The following UVSSA variants were observed in gnomAD, a reference collection of about 807,000 sequenced individuals.
UVSSA encodes UV-stimulated scaffold protein A.
In UVSSA, 72 loss-of-function variants were observed where a neutral mutation model predicts 73.9. The observed-to-expected ratio is 0.97, with a 90% CI of 0.81 to 1.19. The LOEUF is 1.19. UVSSA is among the 50% of genes most tolerant of loss of function. The pLI, the probability that UVSSA is intolerant of heterozygous loss-of-function variation, is 0.00. For missense variants in UVSSA, 1,150 were observed against 965.0 expected (o/e 1.19, Z -2.54); for synonymous variants, 454 against 391.3 (o/e 1.16, Z -1.89).
intron 8 of UVSSA, chr4:1,374,995 C>G: frequency 4.2e-6 from 1 of 237,414 alleles, no homozygotes; most frequent in South Asian, 6.4e-5. Flanking sequence ...CCTGAGCTGC[C>G]GGGGCTATGG....
downstream of UVSSA, chr4:1,391,608 G>A (rs1165386385): frequency 2.0e-5 from 3 of 152,088 alleles, no homozygotes; most frequent in African/African-American, 7.2e-5. Context: ...TAGCCACTTA[G>A]CTCTTTTTTG....
intron 12 of UVSSA, among the ~76,000 whole-genome samples, chr4:1,381,431 A>G (rs1719488445): frequency 6.6e-6 from 1 of 152,200 alleles, no homozygotes; most frequent in Non-Finnish European, 1.5e-5. Context: ...AGCTCTGTCC[A>G]GGAGGCGTGT....
At chr4:1,362,093 A>C (rs1716728447) in intron 7 of UVSSA, among the ~76,000 whole-genome samples, 1 of 152,128 alleles carries the variant, frequency 6.6e-6, no homozygotes, top group African/African-American at 2.4e-5. Context: ...ACTTCTGTGA[A>C]CTGATTGCAT....
intron 7 of UVSSA, chr4:1,366,056 AG>A (rs1717280945): frequency 3.6e-6 from 1 of 278,364 alleles, no homozygotes. Context: ...GGACCTGGGG[AG>A]TCAGCCAGGG....
At chr4:1,358,332 T>C (rs1716094878) in intron 7 of UVSSA, 1 of 152,242 alleles carries the variant, frequency 6.6e-6, no homozygotes, top group South Asian at 2.1e-4. Context: ...AGCTGGTGAG[T>C]GTGCAAGGGC....
intron 10 of UVSSA, among the ~76,000 whole-genome samples, chr4:1,378,804 A>G (rs369467359): frequency 6.6e-6 from 1 of 152,210 alleles, no homozygotes; most frequent in South Asian, 2.1e-4. Flanking sequence ...AGCCGCATGT[A>G]CCTCCTTGAC....
downstream of UVSSA, chr4:1,390,034 C>G (rs1720370386): frequency 6.6e-6 from 1 of 151,984 alleles, no homozygotes; most frequent in South Asian, 2.1e-4. Flanking sequence ...TTTATTTTCT[C>G]TTCTTTTTCT....
At chr4:1,352,014 C>A (rs1348161563) in intron 4 of UVSSA, among the ~76,000 whole-genome samples, 179 bp downstream of exon 4, 1 of 152,258 alleles carries the variant, frequency 6.6e-6, no homozygotes, top group Non-Finnish European at 1.5e-5. Flanking sequence ...CCAGGCTGTC[C>A]ATGCCTCTCC....
At chr4:1,376,213 G>A (rs755428316) in intron 10 of UVSSA, 45 bp downstream of exon 10, 2 of 1,561,404 alleles carry the variant, frequency 1.3e-6, no homozygotes, top group Non-Finnish European at 1.7e-6. Context: ...CACAACCAGG[G>A]TCCCAGCCTG....
At chr4:1,374,090 G>A (rs1718457030) in intron 8 of UVSSA, among the ~76,000 whole-genome samples, 1 of 152,024 alleles carries the variant, frequency 6.6e-6, no homozygotes. Flanking sequence ...GATTCCGCCG[G>A]GGCCAGGACG....
In UVSSA at chr4:1,376,111, A is replaced by G; in HGVS notation, c.1511A>G (p.Tyr504Cys). 6.2e-7 allele frequency: 1 copy of G among 1,607,846 alleles called. No individual in the cohort carries two copies. Among genetic ancestry groups the G allele is most frequent in the Non-Finnish European group, 8.5e-7 (1 of 1,177,730 alleles). Residue 504 changes from tyrosine to cysteine, a missense_variant, in exon 10 of 14, where the codon TAC (tyrosine) becomes TGC (cysteine). By Grantham distance (194) the Tyr-to-Cys change is radical. Coordinates refer to ENST00000389851, the MANE Select transcript of UVSSA (RefSeq NM_020894.4). Reference sequence around the variant, plus strand: ...CGGGCCCGGGCGCCTGTGGTGCCCTACGGCGTGGACCTGCACTACTGGGGC... The same window carrying G: ...CGGGCCCGGGCGCCTGTGGTGCCCTGCGGCGTGGACCTGCACTACTGGGGC... Reference protein sequence around the residue: ...AERARAPVVPYGVDLHYWGQE... With the variant: ...AERARAPVVPCGVDLHYWGQE...
rs1284224914 is a variant in UVSSA at position 1,361,402 on chromosome 4, G to T, written c.1177-4918G>T. Among the ~76,000 whole-genome samples, 4 of 152,252 alleles carry T rather than the reference G, an allele frequency of 2.6e-5. 1 individual carries two copies. The highest frequency in any genetic ancestry group is 7.2e-5 in the African/African-American group (3 of 41,458). On this transcript the variant is annotated intron_variant, in intron 7 of 13. Transcript: ENST00000389851. ...GATATTCTTGTAAGAGCGTGTTGAT[G>T]AGTGTAGATTTTATAGTAAAGAACC...
chr4:1,366,458 C>CA (rs1717342880), intron 8 of UVSSA, 27 bp downstream of exon 8: 2 of 1,550,128 alleles, frequency 1.3e-6, no homozygotes, highest in Non-Finnish European at 1.8e-6. Flanking sequence ...GTGGGGGGGG[C>CA]ACCTGGGTGG....
chr4:1,348,731 C>CA (rs1213937587), intron 2 of UVSSA, among the ~76,000 whole-genome samples: 3 of 152,130 alleles, frequency 2.0e-5, no homozygotes, highest in Admixed American at 2.0e-4. Flanking sequence ...TGTAAAATGG[C>CA]AGTTTATAGA....
At chr4:1,347,984 C>T (rs559964945) in intron 1 of UVSSA, 106 bp from the exon 2 acceptor site, 9 of 915,222 alleles carry the variant, frequency 9.8e-6, no homozygotes, top group Non-Finnish European at 1.5e-5. Flanking sequence ...CCTCAGGGTC[C>T]TCCCGGAGCT....
At chr4:1,351,652 G>A in intron 3 of UVSSA, 63 bp from the exon 4 acceptor site, 2 of 1,565,382 alleles carry the variant, frequency 1.3e-6, no homozygotes, top group Admixed American at 1.7e-5. Flanking sequence ...GCCTCCCAAA[G>A]TGCTGGGATT....
downstream of UVSSA, chr4:1,391,708 G>C (rs148500078): frequency 1.2e-4 from 9 of 76,710 alleles, no homozygotes; most frequent in African/African-American, 2.7e-4. Context: ...GCATATAGTG[G>C]GATCATGTTT....
intron 7 of UVSSA, among the ~76,000 whole-genome samples, chr4:1,357,454 A>T (rs535483765): frequency 6.6e-5 from 10 of 152,330 alleles, no homozygotes; most frequent in Admixed American, 1.3e-4. Flanking sequence ...AGCATCTGGG[A>T]TGCCCTCCAA....
intron 4 of UVSSA, among the ~76,000 whole-genome samples, chr4:1,352,260 G>A (rs531127884): frequency 6.6e-6 from 1 of 152,348 alleles, no homozygotes; most frequent in East Asian, 1.9e-4. Context: ...GTGTGAGGAG[G>A]GGGTGCCACG....
Sources: gnomAD v4.1 joint callset for allele counts (sites outside exome capture counted in the v4.1 genomes callset) on GRCh38, gnomAD v4.1.1 for gene constraint, MANE v1.5 for transcripts, NCBI Gene and HGNC (gene_info 2026-07-23, HGNC 2026-07-21) for gene names.